The following GABRR1 variants were observed in gnomAD, a reference collection of about 807,000 sequenced individuals.
GABRR1 encodes the protein gamma-aminobutyric acid receptor subunit rho-1.
A neutral mutation model predicts 55.5 loss-of-function variants in GABRR1; 59 were observed. The ratio of observed to expected loss-of-function variants is 1.06; its 90% confidence interval spans 0.86 to 1.32. GABRR1 has a LOEUF of 1.32. Among genes scored for constraint, GABRR1 ranks in the 40% most tolerant of loss-of-function variants. The pLI is 0.00. For synonymous variants in GABRR1, 213 were observed against 226.0 expected, an observed-to-expected ratio of 0.94 and a Z score of 0.51; for missense variants, 602 against 619.1, an observed-to-expected ratio of 0.97 and a Z score of 0.29.
At chr6:89,199,269 G>T in intron 4 of GABRR1, 93 bp downstream of exon 4, 1 of 1,120,374 alleles carries the variant, frequency 8.9e-7, no homozygotes, top group Non-Finnish European at 1.3e-6. Flanking sequence ...CAGGGCAGTT[G>T]TGAGACTAAG....
At chr6:89,226,098 C>G (rs1403398623) in intron 1 of GABRR1, among the ~76,000 whole-genome samples, 2 of 152,074 alleles carry the variant, frequency 1.3e-5, no homozygotes, top group Non-Finnish European at 2.9e-5. Context: ...CTTCGCCCAA[C>G]TTTTGATGGG....
At chr6:89,210,490 A>C (rs902916713) in intron 1 of GABRR1, among the ~76,000 whole-genome samples, 2 of 152,008 alleles carry the variant, frequency 1.3e-5, no homozygotes, top group African/African-American at 4.8e-5. Context: ...CATCATGCCC[A>C]GTCTTCTGCA....
rs368725135 is a variant in GABRR1, at chr6:89,192,169, G to A, written c.573-1922C>T. ...GCGCAGGGCAGTTCTGTGGCTGGGC[G>A]GCTTCCTGCTTTCTGGGCCTGTTAC... is the stretch of plus-strand genomic sequence containing the variant. On this transcript the variant is annotated intron_variant, in intron 5 of 9. Transcript: ENST00000454853. Among the ~76,000 whole-genome samples, 209 of 152,220 alleles carry A rather than the reference G, an allele frequency of 1.4e-3. 1 individual carries two copies. Among genetic ancestry groups the A allele is most frequent in the African/African-American group, 4.9e-3 (204 of 41,542 alleles).
At chr6:89,225,187 C>T (rs966605951) in intron 1 of GABRR1, among the ~76,000 whole-genome samples, 11 of 151,074 alleles carry the variant, frequency 7.3e-5, no homozygotes, top group South Asian at 2.1e-4. Context: ...CATTCTCTTG[C>T]GTGTGGCTTG....
At chr6:89,183,719 G>A (rs1021734946) in intron 7 of GABRR1, among the ~76,000 whole-genome samples, 2 of 151,744 alleles carry the variant, frequency 1.3e-5, no homozygotes, top group Non-Finnish European at 2.9e-5. Context: ...GCAGTAACTC[G>A]GATGGAACTG....
chr6:89,219,151 A>T (rs1306815508), upstream of GABRR1, among the ~76,000 whole-genome samples: 1 of 152,158 alleles, frequency 6.6e-6, no homozygotes, highest in African/African-American at 2.4e-5. Flanking sequence ...CTGTAATCTC[A>T]GCTACTTGGG....
intron 1 of GABRR1, among the ~76,000 whole-genome samples, chr6:89,224,650 T>C (rs1300253542): frequency 2.6e-5 from 4 of 152,398 alleles, no homozygotes; most frequent in African/African-American, 9.6e-5. Flanking sequence ...GTGTTCCTTT[T>C]GCTGTGCAGA....
At chr6:89,213,003 G>A (rs1018390399) in intron 1 of GABRR1, among the ~76,000 whole-genome samples, 9 of 152,124 alleles carry the variant, frequency 5.9e-5, no homozygotes, top group African/African-American at 2.2e-4. Context: ...TAGAAACATT[G>A]CCCAGTGCCC....
upstream of GABRR1, among the ~76,000 whole-genome samples, chr6:89,221,060 T>G (rs1773106353): frequency 6.6e-6 from 1 of 152,104 alleles, no homozygotes; most frequent in Non-Finnish European, 1.5e-5. Context: ...TTTCCTTTAT[T>G]GAGTATGCCA....
Position 89,185,181 on chromosome 6 carries a change from G to A in GABRR1, c.796+129C>T. On this transcript the variant is annotated intron_variant, in intron 7 of 9. Coordinates refer to ENST00000454853, the MANE Select transcript of GABRR1 (RefSeq NM_002042.5). ...ACATGAGCCACTGCACCCGGCCTCT[G>A]TCTTTAGTTTCAAATATAAGTGACA... 2.4e-6 allele frequency: 3 copies of A among 1,227,378 alleles called. No homozygotes were observed. The South Asian group carries it at 4.2e-5, about 17-fold the overall frequency. 76.0% of individuals were successfully genotyped at this position (1,227,378 alleles called of 1,614,324 possible).
chr6:89,189,552 C>T (rs1311371371), intron 6 of GABRR1, among the ~76,000 whole-genome samples: 1 of 139,612 alleles, frequency 7.2e-6, no homozygotes, highest in African/African-American at 2.7e-5. Context: ...GGGAGATATA[C>T]CTAATGCTAG....
Position 89,201,316 on chromosome 6 carries a change from T to A in GABRR1, c.174-51A>T, listed in dbSNP as rs374008877. 33 of 1,251,102 alleles carry A rather than the reference T, an allele frequency of 2.6e-5. No homozygotes were observed. The African/African-American group carries it at 4.7e-4, about 18-fold the overall frequency. The allele number at this position is 1,251,102 out of a possible 1,614,324, so 77.5% of individuals were successfully genotyped here. ...GATCATATATTCCAACCAAGACAAA[T>A]AAACAGTAACTTGCATTCTGACTTG... On this transcript the variant is annotated intron_variant, in intron 2 of 9. Transcript: ENST00000454853.
In GABRR1 at chr6:89,229,012, T is replaced by C. The variant is rs1773241094; in HGVS notation, c.-411+2204A>G. ...TGTTGAATTGATCCCTTTACCATTA[T>C]GTAATGGCCTTCTTTGTCTCTTTTG... On this transcript the variant is annotated intron_variant, in intron 1 of 11. Transcript: ENST00000369451. Among the ~76,000 whole-genome samples, 3 of 151,536 alleles carry C rather than the reference T, an allele frequency of 2.0e-5. No individual in the cohort carries two copies. The South Asian group carries it at 6.3e-4, about 32-fold the overall frequency.
rs754918547 is a variant in GABRR1, at chr6:89,180,490, T to G, written c.950-2A>C. 1.2e-5 allele frequency: 19 copies of G among 1,612,148 alleles called. No individual in the cohort carries two copies. The highest frequency in any genetic ancestry group is 1.7e-4 in the Middle Eastern group (1 of 6,026). On this transcript the variant is annotated splice_acceptor_variant, in intron 8 of 9. Coordinates refer to ENST00000454853, the MANE Select transcript of GABRR1 (RefSeq NM_002042.5). LOFTEE classifies it high-confidence loss of function. Reference sequence around the variant, plus strand: ...ACATGGTCAGCACCGTTGTGATACCTGCAAACACAAGAATGAGAAACAAGT... The same window carrying G: ...ACATGGTCAGCACCGTTGTGATACCGGCAAACACAAGAATGAGAAACAAGT...
At chr6:89,194,566 T>C (rs1184076920) in intron 5 of GABRR1, among the ~76,000 whole-genome samples, 1 of 152,096 alleles carries the variant, frequency 6.6e-6, no homozygotes, top group Non-Finnish European at 1.5e-5. Flanking sequence ...TGATTTGTAA[T>C]CTCTCTGACC....
intron 5 of GABRR1, among the ~76,000 whole-genome samples, chr6:89,196,586 C>G (rs1044764459): frequency 1.3e-5 from 2 of 151,948 alleles, no homozygotes; most frequent in Admixed American, 1.3e-4. Flanking sequence ...GCCTGAGCAA[C>G]ATAGGGACAT....
intron 7 of GABRR1, among the ~76,000 whole-genome samples, chr6:89,182,711 T>C (rs542296098): frequency 6.6e-6 from 1 of 152,014 alleles, no homozygotes; most frequent in African/African-American, 2.4e-5. Context: ...TAATTGGAGG[T>C]CCATTTAACA....
chr6:89,190,045 C>CAAAA, intron 6 of GABRR1, 120 bp downstream of exon 6: 4 of 468,190 alleles, frequency 8.5e-6, no homozygotes, highest in South Asian at 4.2e-5. Flanking sequence ...GACTCCATCT[C>CAAAA]AAAAAAAAAA....
At chr6:89,197,634 T>C (rs1247672795) in intron 5 of GABRR1, among the ~76,000 whole-genome samples, 1 of 152,252 alleles carries the variant, frequency 6.6e-6, no homozygotes, top group Non-Finnish European at 1.5e-5. Flanking sequence ...AAAACATGCC[T>C]GTGGTGGCCA....
Sources: gnomAD v4.1 joint callset for allele counts (sites outside exome capture counted in the v4.1 genomes callset) on GRCh38, gnomAD v4.1.1 for gene constraint, MANE v1.5 for transcripts, NCBI Gene and HGNC (gene_info 2026-07-23, HGNC 2026-07-21) for gene names.